ARRB2: variants seen among roughly 807,000 people sequenced by gnomAD.
The protein encoded by ARRB2 is beta-arrestin-2.
Under a neutral mutation model 53.4 loss-of-function variants are expected in ARRB2, and 21 were observed. The observed-to-expected ratio is 0.39, with a 90% CI of 0.28 to 0.57. The LOEUF (loss-of-function observed/expected upper bound fraction) is 0.57. Among genes scored for constraint, ARRB2 ranks in the 20% least tolerant of loss-of-function variants. The pLI, the probability that ARRB2 is intolerant of heterozygous loss-of-function variation, is 0.55. For synonymous variants in ARRB2, 180 were observed against 212.9 expected, an observed-to-expected ratio of 0.85 and a Z score of 1.34; for missense variants, 369 against 527.5, an observed-to-expected ratio of 0.70 and a Z score of 2.94.
rs1239979388 is a variant in ARRB2 at position 4,717,178 on chromosome 17, T to C, written c.358-39T>C. 4 of 1,603,838 alleles carry C rather than the reference T, an allele frequency of 2.5e-6. No homozygotes were observed. In the African/African-American group the frequency reaches 5.4e-5, roughly 21 times the overall value. ...AGATTTGGAGGAAGATCTGGGGGCT[T>C]TCTGGAAGAACTGAAGTCTTCTCCT... On this transcript the variant is annotated intron_variant, in intron 5 of 14. Coordinates refer to ENST00000269260, the MANE Select transcript of ARRB2 (RefSeq NM_004313.4). This position sits in a 1 kb window ranked among gnomAD's most constrained non-coding sequence, Gnocchi z 6.0.
At chr17:4,715,341 G>A (rs995750853) in intron 2 of ARRB2, 4 of 442,448 alleles carry the variant, frequency 9.0e-6, no homozygotes, top group South Asian at 7.6e-5. Flanking sequence ...CCCAAGGTGC[G>A]TGGGGCTGGG....
chr17:4,718,500 G>C, intron 9 of ARRB2, 112 bp from the exon 10 acceptor site: 1 of 1,273,072 alleles, frequency 7.9e-7, no homozygotes, highest in Non-Finnish European at 1.1e-6. Flanking sequence ...GAGCCTCGGT[G>C]TTTACTGCTT....
intron 1 of ARRB2, among the ~76,000 whole-genome samples, chr17:4,713,789 CCA>C: frequency 7.9e-6 from 1 of 125,900 alleles, no homozygotes; most frequent in East Asian, 2.1e-4. Context: ...GACTCCATCT[CCA>C]AAAAAAAAAA....
Position 4,712,983 on chromosome 17 carries a change from A to T in ARRB2, c.24-2030A>T, listed in dbSNP as rs9891380. Among the ~76,000 whole-genome samples, 443 of 152,124 alleles carry T rather than the reference A, an allele frequency of 2.9e-3. 3 individuals are homozygous for T. Among genetic ancestry groups the T allele is most frequent in the African/African-American group, 7.4e-3 (308 of 41,520 alleles). Reference sequence around the variant, plus strand: ...CTGGGTGGTTTTATTTAATTTAATTAATTTATTTATTTATTTATTTTTTGA... The same window carrying T: ...CTGGGTGGTTTTATTTAATTTAATTTATTTATTTATTTATTTATTTTTTGA... On this transcript the variant is annotated intron_variant, in intron 1 of 14. Transcript: ENST00000269260.
At chr17:4,718,994 G>A (rs990227828) in intron 10 of ARRB2, among the ~76,000 whole-genome samples, 1 of 152,050 alleles carries the variant, frequency 6.6e-6, no homozygotes, top group Non-Finnish European at 1.5e-5. Context: ...AGCTAGTTGC[G>A]AACCCCTGAC....
rs1476979449 is a variant in ARRB2, at chr17:4,710,686, G to C, written c.-36G>C. ...GGCAGCGGGCGAGGAGGCTGCGAGCGAGCCGCGAACCGAGCGGGCGGCGGG... is the reference window on the plus strand; with the variant it reads ...GGCAGCGGGCGAGGAGGCTGCGAGCCAGCCGCGAACCGAGCGGGCGGCGGG... On this transcript the variant is annotated 5_prime_UTR_variant, in exon 1 of 15. Coordinates refer to ENST00000269260, the MANE Select transcript of ARRB2 (RefSeq NM_004313.4). 1 of 398,454 alleles carries C rather than the reference G, an allele frequency of 2.5e-6. No individual in the cohort carries two copies. The highest frequency in any genetic ancestry group is 2.1e-5 in the African/African-American group (1 of 48,538). 24.7% of individuals were successfully genotyped at this position (398,454 alleles called of 1,614,324 possible).
rs1915190751 is a variant in ARRB2, at chr17:4,717,454, T to C, written c.417+178T>C. 1 of 889,674 alleles carries C rather than the reference T, an allele frequency of 1.1e-6. No homozygotes were observed. Among genetic ancestry groups the C allele is most frequent in the African/African-American group, 1.7e-5 (1 of 60,596 alleles). 55.1% of individuals were successfully genotyped at this position (889,674 alleles called of 1,614,324 possible). On this transcript the variant is annotated intron_variant, in intron 6 of 14. Coordinates refer to ENST00000269260, the MANE Select transcript of ARRB2 (RefSeq NM_004313.4). This position sits in a 1 kb window ranked among gnomAD's most constrained non-coding sequence, Gnocchi z 6.0. ...GTCATTGTGCACGCATGACACTGCC[T>C]CCTGCTCTGTGGACCCGCATGGATC...
intron 11 of ARRB2, among the ~76,000 whole-genome samples, chr17:4,719,762 TG>T: frequency 6.6e-6 from 1 of 151,984 alleles, no homozygotes; most frequent in East Asian, 1.9e-4. Flanking sequence ...TGGGGCAGCC[TG>T]GGGTGTTGGA....
intron 14 of ARRB2, 24 bp downstream of exon 14, chr17:4,720,664 G>C (rs1012633789): frequency 6.6e-7 from 1 of 1,526,324 alleles, no homozygotes; most frequent in Non-Finnish European, 8.8e-7. Context: ...TCCCCTACTT[G>C]ACCCTCTTGG....
chr17:4,718,482 G>T, intron 9 of ARRB2, 130 bp from the exon 10 acceptor site: 1 of 1,208,792 alleles, frequency 8.3e-7, no homozygotes. Flanking sequence ...GTTCCATAAT[G>T]ATACGGGGAG....
Position 4,721,118 on chromosome 17 carries a change from A to C in ARRB2, c.*79A>C. On this transcript the variant is annotated 3_prime_UTR_variant, in exon 15 of 15. Transcript: ENST00000269260. The surrounding 1 kb of genome is among the most constrained non-coding windows in gnomAD (Gnocchi z 4.2). ...TTAAGATCCCCACTGTCAATGGGGG[A>C]TTGTCCCAGCCCCTCTTCCCTTCCC... 2.8e-6 allele frequency: 4 copies of C among 1,415,790 alleles called. No homozygotes were observed. The highest frequency in any genetic ancestry group is 4.0e-6 in the Non-Finnish European group (4 of 1,009,754). The allele number at this position is 1,415,790 out of a possible 1,614,324, so 87.7% of individuals were successfully genotyped here.
At chr17:4,720,743 A>G (rs1262191943) in intron 14 of ARRB2, 103 bp downstream of exon 14, 3 of 1,172,454 alleles carry the variant, frequency 2.6e-6, no homozygotes, top group East Asian at 4.8e-5. Context: ...GGAGAAGCGG[A>G]TTGTAGCATC....
chr17:4,719,654 T>C (rs938294703), intron 11 of ARRB2, among the ~76,000 whole-genome samples: 6 of 151,580 alleles, frequency 4.0e-5, no homozygotes, highest in Non-Finnish European at 7.4e-5. Flanking sequence ...GGCAGTGAGG[T>C]GCGAAGGTGA....
intron 11 of ARRB2, 142 bp from the exon 12 acceptor site, chr17:4,720,074 C>A (rs1915535024): frequency 1.2e-6 from 1 of 803,514 alleles, no homozygotes; most frequent in Non-Finnish European, 2.0e-6. Flanking sequence ...CGCACTGTAC[C>A]ATAACCGCAC....
At chr17:4,718,790 T>TG (rs1015079320) in intron 10 of ARRB2, 106 bp downstream of exon 10, 19 of 1,301,754 alleles carry the variant, frequency 1.5e-5, no homozygotes, top group South Asian at 1.0e-4. Context: ...ACCTTTTTTT[T>TG]TTTTTTTGAG....
In ARRB2 at chr17:4,717,788, G is replaced by A. The variant is rs556200186; in HGVS notation, c.485+36G>A. On this transcript the variant is annotated intron_variant, in intron 7 of 14. Transcript: ENST00000269260. This position sits in a 1 kb window ranked among gnomAD's most constrained non-coding sequence, Gnocchi z 6.0. ...TGACCTCCTCTGTGGTGTAAGAGGA[G>A]GCTTTCCTCCCCGCTTCCAGGAGCC... is the stretch of plus-strand genomic sequence containing the variant. 1.7e-5 allele frequency: 27 copies of A among 1,602,000 alleles called. 3 individuals carry two copies. In the South Asian group the frequency reaches 3.0e-4, roughly 18 times the overall value.
chr17:4,715,716 C>A (rs1597478714), intron 2 of ARRB2: 1 of 461,276 alleles, frequency 2.2e-6, no homozygotes. Context: ...CACACACACA[C>A]ACACACACAA....
At chr17:4,718,875 G>A (rs1230228871) in intron 10 of ARRB2, among the ~76,000 whole-genome samples, 191 bp downstream of exon 10, 3 of 149,688 alleles carry the variant, frequency 2.0e-5, no homozygotes, top group Non-Finnish European at 4.4e-5. Context: ...TCCACCTCCC[G>A]GGTTCAAGCG....
In ARRB2 at chr17:4,718,321, ACCGT is replaced by A; in HGVS notation, c.684_687del (p.Val229ArgfsTer7). On this transcript the variant is annotated frameshift_variant, in exon 9 of 15. Coordinates refer to ENST00000269260, the MANE Select transcript of ARRB2 (RefSeq NM_004313.4). LOFTEE classifies it high-confidence loss of function. ...CCACGTCACCAACAACTCCACCAAGACCGTCAAGAAGATCAAAGTCTCTGGTAGG... is the reference window on the plus strand; with the variant it reads ...CCACGTCACCAACAACTCCACCAAGACAAGAAGATCAAAGTCTCTGGTAGG... 1 of 1,611,996 alleles carries A rather than the reference ACCGT, an allele frequency of 6.2e-7. No individual in the cohort carries two copies. The highest frequency in any genetic ancestry group is 8.5e-7 in the Non-Finnish European group (1 of 1,179,140).
Sources: allele counts gnomAD v4.1 joint callset (sites outside exome capture counted in the v4.1 genomes callset), GRCh38; gene constraint gnomAD v4.1.1; non-coding constraint Gnocchi (gnomAD v3.1); transcripts MANE v1.5; gene names NCBI Gene and HGNC (gene_info 2026-07-23, HGNC 2026-07-21).